Variants in SLCO1A2 observed in about 807,000 individuals in gnomAD.
The protein encoded by SLCO1A2 is OATP-1.
Under a neutral mutation model 69.0 loss-of-function variants are expected in SLCO1A2, and 67 were observed. That is an observed-to-expected ratio of 0.97 (90% CI 0.80 to 1.19). The LOEUF (loss-of-function observed/expected upper bound fraction) is 1.19, where lower values mean the gene tolerates loss of function less well. Ranked by LOEUF, SLCO1A2 falls within the 50% of genes most tolerant of loss-of-function variation. SLCO1A2 has a pLI of 0.00. For missense variants in SLCO1A2, 787 were observed against 793.7 expected (o/e 0.99, Z 0.10); for synonymous variants, 260 against 265.9 (o/e 0.98, Z 0.22).
chr12:21,368,209 T>C (rs1591889031), intron 2 of SLCO1A2, among the ~76,000 whole-genome samples: 1 of 152,048 alleles, frequency 6.6e-6, no homozygotes, highest in Non-Finnish European at 1.5e-5. Context: ...CTTACCAAAA[T>C]AATGGAAGCC....
chr12:21,292,202 A>G lies in SLCO1A2; in HGVS notation c.1572T>C (p.Tyr524=). The change falls in exon 12 of 15, where the codon TAT becomes TAC. Residue 524 remains tyrosine, a synonymous_variant. Coordinates refer to ENST00000683939, the MANE Select transcript of SLCO1A2 (RefSeq NM_001386879.1). The part of the protein sequence containing the change: ...LILSAMSSFI[Y]SLAAIPGYMV... ...TATATCCAGGTATGGCAGCCAAAGA[A>G]TAAATGAAACTGCTCATCGCTGACA... 1 of 1,609,488 alleles carries G rather than the reference A, an allele frequency of 6.2e-7. No individual in the cohort carries two copies. The highest frequency in any genetic ancestry group is 1.1e-5 in the South Asian group (1 of 90,470).
chr12:21,380,323 C>T (rs889370851), intron 1 of SLCO1A2, among the ~76,000 whole-genome samples: 1 of 152,038 alleles, frequency 6.6e-6, no homozygotes, highest in Non-Finnish European at 1.5e-5. Flanking sequence ...AAGGACATTG[C>T]CTATGGTAGC....
rs1226549355 is a variant in SLCO1A2 at position 21,334,836 on chromosome 12, T to C, written c.-72A>G. Reference sequence around the variant, plus strand: ...TGCATTACAAAAATACCTGGAACGCTTTAATACAGATTAGAAAATCATGGT... The same window carrying C: ...TGCATTACAAAAATACCTGGAACGCCTTAATACAGATTAGAAAATCATGGT... On this transcript the variant is annotated 5_prime_UTR_variant, in exon 1 of 15. Coordinates refer to ENST00000683939, the MANE Select transcript of SLCO1A2 (RefSeq NM_001386879.1). 5 of 406,656 alleles carry C rather than the reference T, an allele frequency of 1.2e-5. No homozygotes were observed. In the African/African-American group the frequency reaches 2.7e-4, roughly 22 times the overall value. The allele number at this position is 406,656 out of a possible 1,614,324, so 25.2% of individuals were successfully genotyped here. A position where few individuals can be genotyped will look rare whatever the true frequency, so the allele number is the denominator to read the frequency against.
At chr12:21,414,262 G>A (rs997881112) in intron 1 of SLCO1A2, among the ~76,000 whole-genome samples, 1 of 148,122 alleles carries the variant, frequency 6.8e-6, no homozygotes, top group Non-Finnish European at 1.5e-5. Flanking sequence ...AAAGGATTGA[G>A]CCACTGCGTC....
upstream of SLCO1A2, among the ~76,000 whole-genome samples, chr12:21,398,690 C>T (rs1313660629): frequency 2.0e-5 from 3 of 151,606 alleles, no homozygotes; most frequent in Admixed American, 6.6e-5. Context: ...ATCAAGTGGG[C>T]TTCATCCCTG....
intron 12 of SLCO1A2, among the ~76,000 whole-genome samples, chr12:21,275,715 C>T (rs765091565): frequency 2.0e-5 from 3 of 151,962 alleles, no homozygotes; most frequent in East Asian, 1.9e-4. Context: ...CCAAGGCAGA[C>T]GGATCACCTG....
intron 4 of SLCO1A2, among the ~76,000 whole-genome samples, chr12:21,310,383 A>G (rs967451265): frequency 6.6e-6 from 1 of 152,272 alleles, no homozygotes; most frequent in African/African-American, 2.4e-5. Flanking sequence ...TTTATTGCTA[A>G]AAGATGCTAA....
rs1391651792 is a variant in SLCO1A2 at position 21,380,869 on chromosome 12, A to T, written c.-189-6344T>A. Reference sequence around the variant, plus strand: ...GAGAGGGCCCCCCAACCCAACCCACACCCCCATGCCCCCACTGCCCCAGCC... The same window carrying T: ...GAGAGGGCCCCCCAACCCAACCCACTCCCCCATGCCCCCACTGCCCCAGCC... On this transcript the variant is annotated intron_variant, in intron 1 of 15. Coordinates refer to the SLCO1A2 transcript ENST00000307378. Among the ~76,000 whole-genome samples, 3 of 139,782 alleles carry T rather than the reference A, an allele frequency of 2.1e-5. No homozygotes were observed. The Admixed American group carries it at 2.1e-4, about 10-fold the overall frequency. 91.7% of individuals were successfully genotyped at this position (139,782 alleles called of 152,430 possible). A position where few individuals can be genotyped will look rare whatever the true frequency, so the allele number is the denominator to read the frequency against.
chr12:21,381,401 C>T (rs563274277), intron 1 of SLCO1A2, among the ~76,000 whole-genome samples: 1 of 151,998 alleles, frequency 6.6e-6, no homozygotes, highest in African/African-American at 2.4e-5. Flanking sequence ...AAATGGCCAA[C>T]AAACATGAAA....
At chr12:21,344,556 A>T (rs887455697) in intron 2 of SLCO1A2, among the ~76,000 whole-genome samples, 1 of 152,102 alleles carries the variant, frequency 6.6e-6, no homozygotes, top group Admixed American at 6.6e-5. Context: ...ACTGGCTCAC[A>T]TGTTAGAAAT....
chr12:21,269,788 A>C (rs751720845), intron 14 of SLCO1A2, 21 bp from the exon 15 acceptor site: 1 of 1,582,770 alleles, frequency 6.3e-7, no homozygotes, highest in Middle Eastern at 1.7e-4. Context: ...AAAAGTTAAA[A>C]CATATTAAAT....
rs775687566 is a variant in SLCO1A2 at position 21,269,731 on chromosome 12, T to A, written c.1830A>T (p.Gly610=). Residue 610 remains glycine (G), a synonymous_variant, in exon 15 of 15, where the codon GGA becomes GGT. Coordinates refer to ENST00000683939, the MANE Select transcript of SLCO1A2 (RefSeq NM_001386879.1). The stretch of plus-strand genomic sequence containing the variant: ...TGATTAAGGCTGGAACAAAGCTTGA[T>A]CCTCTTAGTGCTGCCGGCAATCCGA... ...IYLGLPAALR[G]SSFVPALIIL... is the part of the protein sequence containing the mutation. 8 of 1,612,418 alleles carry A rather than the reference T, an allele frequency of 5.0e-6. No homozygotes were observed. Among genetic ancestry groups the A allele is most frequent in the Non-Finnish European group, 4.2e-6 (5 of 1,178,846 alleles).
chr12:21,296,958 T>C (rs1947811519), intron 9 of SLCO1A2, among the ~76,000 whole-genome samples: 1 of 152,144 alleles, frequency 6.6e-6, no homozygotes. Context: ...AAGCCGAATG[T>C]GTGTGGCTGC....
chr12:21,316,085 A>T (rs1038303580), intron 3 of SLCO1A2, among the ~76,000 whole-genome samples: 18 of 152,272 alleles, frequency 1.2e-4, no homozygotes, highest in African/African-American at 4.3e-4. Flanking sequence ...AGAAATTGTT[A>T]ATATATTCTA....
intron 2 of SLCO1A2, among the ~76,000 whole-genome samples, chr12:21,369,944 T>C (rs1389357346): frequency 6.6e-6 from 1 of 152,218 alleles, no homozygotes; most frequent in Non-Finnish European, 1.5e-5. Context: ...GAGATTGGGA[T>C]AGATGTTGAT....
chr12:21,417,565 CAA>C (rs1942007910), intron 1 of SLCO1A2, among the ~76,000 whole-genome samples: 1 of 151,138 alleles, frequency 6.6e-6, no homozygotes, highest in South Asian at 2.1e-4. Flanking sequence ...GAAAAAGTGA[CAA>C]AGGGGATTAT....
chr12:21,386,543 C>G (rs1208301338), intron 1 of SLCO1A2, among the ~76,000 whole-genome samples: 2 of 152,088 alleles, frequency 1.3e-5, no homozygotes, highest in Non-Finnish European at 2.9e-5. Flanking sequence ...AATTACCCTG[C>G]ACTTCTCTCT....
intron 9 of SLCO1A2, 46 bp from the exon 10 acceptor site, chr12:21,295,838 G>T (rs1947633964): frequency 9.5e-7 from 1 of 1,047,780 alleles, no homozygotes; most frequent in East Asian, 2.6e-5. Context: ...CTTACCAAAG[G>T]AACAAATATG....
At chr12:21,344,130 T>G (rs986915550) in intron 2 of SLCO1A2, among the ~76,000 whole-genome samples, 3 of 152,138 alleles carry the variant, frequency 2.0e-5, no homozygotes, top group African/African-American at 7.2e-5. Flanking sequence ...ACCATTTGCA[T>G]GTAGCATTGA....
Sources: allele counts gnomAD v4.1 joint callset (sites outside exome capture counted in the v4.1 genomes callset), GRCh38; gene constraint gnomAD v4.1.1; transcripts MANE v1.5; gene names NCBI Gene and HGNC (gene_info 2026-07-23, HGNC 2026-07-21).